Variants in WDR7 observed in about 807,000 individuals in gnomAD.
The protein encoded by WDR7 is WD repeat domain 7, also known as WD repeat-containing protein 7.
WDR7 carries 46 observed loss-of-function variants against 169.4 expected under a neutral mutation model. The ratio of observed to expected loss-of-function variants is 0.27; its 90% CI spans 0.21 to 0.35. The LOEUF (loss-of-function observed/expected upper bound fraction) is 0.35. Ranked by LOEUF, WDR7 falls within the 10% of genes least tolerant of loss-of-function variation. The pLI is 1.00. For synonymous variants in WDR7, 612 were observed against 666.8 expected, an observed-to-expected ratio of 0.92 and a Z score of 1.27; for missense variants, 1,534 against 1,859.3, an observed-to-expected ratio of 0.83 and a Z score of 3.22.
chr18:56,934,398 C>G (rs1230684847), intron 22 of WDR7, among the ~76,000 whole-genome samples: 1 of 152,008 alleles, frequency 6.6e-6, no homozygotes, highest in Non-Finnish European at 1.5e-5. Flanking sequence ...TCGGGCTCTT[C>G]CATGGCAGGG....
At chr18:56,887,514 A>G (rs918261422) in intron 21 of WDR7, among the ~76,000 whole-genome samples, 1 of 152,228 alleles carries the variant, frequency 6.6e-6, no homozygotes. Flanking sequence ...ATCAGAATGA[A>G]TGATATAGTA....
At chr18:56,923,167 G>T (rs1334189463) in intron 21 of WDR7, among the ~76,000 whole-genome samples, 3 of 152,068 alleles carry the variant, frequency 2.0e-5, no homozygotes, top group African/African-American at 7.2e-5. Flanking sequence ...AACCCCTGCT[G>T]GTTTTCTTTT....
chr18:57,017,462 C>A (rs181884967), intron 26 of WDR7, among the ~76,000 whole-genome samples: 2 of 134,206 alleles, frequency 1.5e-5, no homozygotes, highest in Admixed American at 1.5e-4. Flanking sequence ...GTGTGCTGTT[C>A]TTATCCAAGT....
chr18:56,828,382 A>T (rs2045248461), intron 20 of WDR7, among the ~76,000 whole-genome samples: 1 of 152,218 alleles, frequency 6.6e-6, no homozygotes, highest in African/African-American at 2.4e-5. Context: ...GTTAATTTGC[A>T]TATGCATAGC....
At chr18:56,659,774 T>C (rs563220866) in intron 1 of WDR7, among the ~76,000 whole-genome samples, 2 of 152,070 alleles carry the variant, frequency 1.3e-5, no homozygotes, top group South Asian at 4.1e-4. Context: ...TCATATAGGA[T>C]AGGCAGTTGT....
intron 4 of WDR7, among the ~76,000 whole-genome samples, 178 bp downstream of exon 4, chr18:56,681,569 G>A (rs1042582772): frequency 3.3e-5 from 5 of 152,240 alleles, no homozygotes; most frequent in Non-Finnish European, 7.3e-5. Flanking sequence ...GTTGGGAGGG[G>A]TAAGAAAGGA....
At chr18:56,697,946 C>T (rs2025739255) in intron 12 of WDR7, among the ~76,000 whole-genome samples, 1 of 152,102 alleles carries the variant, frequency 6.6e-6, no homozygotes, top group South Asian at 2.1e-4. Context: ...GTAATCCCAG[C>T]ACTTTGGGAG....
chr18:56,824,394 T>C lies in WDR7; in HGVS notation c.3304+8250T>C, dbSNP rs146607290. Among the ~76,000 whole-genome samples, 161 of 152,356 alleles carry C rather than the reference T, an allele frequency of 1.1e-3. 1 individual carries two copies. Among genetic ancestry groups the C allele is most frequent in the African/African-American group, 3.8e-3 (156 of 41,596 alleles). On this transcript the variant is annotated intron_variant, in intron 20 of 27. Coordinates refer to ENST00000254442, the MANE Select transcript of WDR7 (RefSeq NM_015285.3). ...CATTTCACTTGCACTTTCTGAGTCA[T>C]GTGGGCATGTGACTTTTACCTTCTT...
rs1257964211 is a variant in WDR7 at position 56,693,561 on chromosome 18, G to GTTTTTTTTTTTT, written c.967-1047_967-1046insTTTTTTTTTTTT. Among the ~76,000 whole-genome samples the GTTTTTTTTTTTT allele has an allele frequency of 5.1e-5, 5 of 98,826 alleles. 1 individual carries two copies. Among genetic ancestry groups the GTTTTTTTTTTTT allele is most frequent in the African/African-American group, 6.9e-5 (2 of 29,056 alleles). The allele number at this position is 98,826 out of a possible 152,430, so 64.8% of individuals were successfully genotyped here. ...CAAGCTTGATAGTTCAATTTTGTTG[G>GTTTTTTTTTTTT]TTTTTTTTTTTGTTTTTTTTTTTTT... On this transcript the variant is annotated intron_variant, in intron 9 of 27. Transcript: ENST00000254442.
At chr18:56,787,172 C>T in intron 19 of WDR7, among the ~76,000 whole-genome samples, 1 of 152,002 alleles carries the variant, frequency 6.6e-6, no homozygotes, top group Non-Finnish European at 1.5e-5. Context: ...ATGAAATATG[C>T]CCACACTTGC....
intron 20 of WDR7, among the ~76,000 whole-genome samples, chr18:56,836,230 T>A (rs1453963773): frequency 6.6e-6 from 1 of 152,186 alleles, no homozygotes; most frequent in African/African-American, 2.4e-5. Context: ...AAGGCCACTT[T>A]CCTCTCATGT....
At chr18:56,758,598 AAGTATG>A (rs1383750857) in intron 15 of WDR7, among the ~76,000 whole-genome samples, 1 of 152,212 alleles carries the variant, frequency 6.6e-6, no homozygotes, top group African/African-American at 2.4e-5. Flanking sequence ...ACAAAGGGTT[AAGTATG>A]ATGTTAGAAA....
chr18:57,032,486 C>G (rs1029228056), downstream of WDR7: 1 of 152,208 alleles, frequency 6.6e-6, no homozygotes, highest in Non-Finnish European at 1.5e-5. Context: ...CTGTGAGGAA[C>G]CAGGCTGCAC....
In WDR7 at chr18:57,010,003, G is replaced by C. The variant is rs1260060400; in HGVS notation, c.4165-10742G>C. 3.0e-6 allele frequency: 3 copies of C among 985,272 alleles called. No homozygotes were observed. In the African/African-American group the frequency reaches 5.2e-5, roughly 17 times the overall value. The allele number at this position is 985,272 out of a possible 1,614,324, so 61.0% of individuals were successfully genotyped here. On this transcript the variant is annotated intron_variant, in intron 26 of 27. Transcript: ENST00000254442. Reference sequence around the variant, plus strand: ...ACATTTACTTAGGAATGTGATTGCTGTCCAGTGAGTTAGTGTGTACATGTG... The same window carrying C: ...ACATTTACTTAGGAATGTGATTGCTCTCCAGTGAGTTAGTGTGTACATGTG...
At chr18:56,695,325 T>A in intron 11 of WDR7, 127 bp downstream of exon 11, 1 of 1,214,094 alleles carries the variant, frequency 8.2e-7, no homozygotes, top group Non-Finnish European at 1.1e-6. Context: ...GGGTGCTATG[T>A]AGTTGGTAGA....
chr18:56,809,844 C>A (rs996592155), intron 19 of WDR7, among the ~76,000 whole-genome samples: 10 of 151,920 alleles, frequency 6.6e-5, no homozygotes, highest in African/African-American at 2.4e-4. Context: ...CACTTTTAAA[C>A]ATATTGTTCT....
chr18:56,868,837 A>G (rs1215169277), intron 20 of WDR7, among the ~76,000 whole-genome samples: 3 of 152,174 alleles, frequency 2.0e-5, no homozygotes, highest in Admixed American at 6.5e-5. Flanking sequence ...GAAGCAAAAA[A>G]GTTAGACGTT....
intron 27 of WDR7, among the ~76,000 whole-genome samples, chr18:57,021,419 A>G (rs1391495088): frequency 6.6e-6 from 1 of 152,216 alleles, no homozygotes; most frequent in African/African-American, 2.4e-5. Flanking sequence ...GCATAGGATA[A>G]TAAGGTGTTT....
intron 21 of WDR7, among the ~76,000 whole-genome samples, chr18:56,921,939 G>A (rs1162708579): frequency 1.3e-5 from 2 of 152,066 alleles, no homozygotes; most frequent in African/African-American, 4.8e-5. Flanking sequence ...ATGGTAAAGT[G>A]CCACTAAGGA....
Sources: allele counts gnomAD v4.1 joint callset (sites outside exome capture counted in the v4.1 genomes callset), GRCh38; gene constraint gnomAD v4.1.1; transcripts MANE v1.5; gene names NCBI Gene and HGNC (gene_info 2026-07-23, HGNC 2026-07-21).